Variants in DTD1 observed in about 807,000 individuals in gnomAD.
The protein encoded by DTD1 is D-tyrosyl-tRNA deacylase 1 homolog.
A neutral mutation model predicts 25.6 loss-of-function variants in DTD1; 13 were observed. The ratio of observed to expected loss-of-function variants is 0.51; its 90% CI spans 0.33 to 0.81. The LOEUF is 0.81. DTD1 is among the 30% of genes least tolerant of loss of function. The probability of loss-of-function intolerance (pLI) is 0.02; values close to 1 mark genes in which losing one functional copy is unlikely to be tolerated. For synonymous variants in DTD1, 110 were observed against 103.6 expected, an observed-to-expected ratio of 1.06 and a Z score of -0.37; for missense variants, 193 against 266.4, an observed-to-expected ratio of 0.72 and a Z score of 1.92.
At chr20:18,690,874 A>G (rs1392937270) in intron 4 of DTD1, among the ~76,000 whole-genome samples, 2 of 152,184 alleles carry the variant, frequency 1.3e-5, no homozygotes, top group East Asian at 3.9e-4. Context: ...TTCTGTTTTT[A>G]TGAAAAATGA....
At chr20:18,742,582 TCTCACCAA>T (rs2061282736) in intron 4 of DTD1, among the ~76,000 whole-genome samples, 1 of 152,140 alleles carries the variant, frequency 6.6e-6, no homozygotes, top group South Asian at 2.1e-4. Flanking sequence ...CTTATGAGAA[TCTCACCAA>T]TGTCTGATGC....
At chr20:18,711,363 G>A (rs2061157924) in intron 4 of DTD1, among the ~76,000 whole-genome samples, 1 of 152,144 alleles carries the variant, frequency 6.6e-6, no homozygotes, top group East Asian at 1.9e-4. Flanking sequence ...AAGTCCTCCA[G>A]CCTCTGCCTT....
intron 4 of DTD1, among the ~76,000 whole-genome samples, chr20:18,658,221 G>GTGTGTA (rs2060897692): frequency 6.6e-6 from 1 of 151,644 alleles, no homozygotes; most frequent in Non-Finnish European, 1.5e-5. Flanking sequence ...GTGTGTGTGT[G>GTGTGTA]TGTGTGTTTC....
At chr20:18,649,045 A>AC (rs1286729575) in intron 4 of DTD1, among the ~76,000 whole-genome samples, 1 of 149,844 alleles carries the variant, frequency 6.7e-6, no homozygotes, top group Admixed American at 6.6e-5. Context: ...ATGTGGAATG[A>AC]CCAGAATTAC....
intron 4 of DTD1, among the ~76,000 whole-genome samples, chr20:18,676,399 T>A (rs17809054): frequency 0.36 from 54,841 of 151,730 alleles, 10,239 homozygotes; most frequent in Non-Finnish European, 0.41. Flanking sequence ...CTTGTTTTTT[T>A]AAAAAAGTCA....
Position 18,718,192 on chromosome 20 carries a change from CT to C in DTD1, c.478-25905del, listed in dbSNP as rs528216203. ...AGCTTTGAAGGTTCCAGTAATATTA[CT>C]TTATTAAAGATATTTATTTTGGATA... On this transcript the variant is annotated intron_variant, in intron 4 of 5. Coordinates refer to ENST00000377452, the MANE Select transcript of DTD1 (RefSeq NM_080820.6). Among the ~76,000 whole-genome samples, 34 of 152,270 alleles carry C rather than the reference CT, an allele frequency of 2.2e-4. 2 individuals are homozygous for C. In the East Asian group the frequency reaches 6.5e-3, roughly 29 times the overall value.
chr20:18,659,693 A>G (rs1164217968), intron 4 of DTD1, among the ~76,000 whole-genome samples: 1 of 152,144 alleles, frequency 6.6e-6, no homozygotes, highest in Non-Finnish European at 1.5e-5. Context: ...CATAAGTGGG[A>G]GTTGAACAAT....
At chr20:18,762,362 C>T (rs559191748) in intron 5 of DTD1, among the ~76,000 whole-genome samples, 30 of 152,304 alleles carry the variant, frequency 2.0e-4, no homozygotes, top group South Asian at 8.3e-4. Flanking sequence ...TCATAGATCT[C>T]GGCAATACTA....
intron 4 of DTD1, among the ~76,000 whole-genome samples, chr20:18,651,918 C>T (rs1401617513): frequency 6.6e-6 from 1 of 152,286 alleles, no homozygotes; most frequent in Non-Finnish European, 1.5e-5. Context: ...AACCAGCCCA[C>T]TTATTTAAAG....
intron 4 of DTD1, among the ~76,000 whole-genome samples, chr20:18,660,514 G>T (rs912916197): frequency 6.6e-6 from 1 of 151,748 alleles, no homozygotes; most frequent in South Asian, 2.1e-4. Flanking sequence ...AGCCACCGTG[G>T]GTGGCCCAAA....
intron 4 of DTD1, among the ~76,000 whole-genome samples, chr20:18,645,851 G>A (rs150728241): frequency 9.8e-5 from 15 of 152,306 alleles, no homozygotes; most frequent in South Asian, 2.1e-4. Context: ...ATTTAAAGGC[G>A]CTAAAAATGA....
chr20:18,683,242 G>A (rs1780734708), intron 4 of DTD1, among the ~76,000 whole-genome samples: 1 of 152,160 alleles, frequency 6.6e-6, no homozygotes, highest in Admixed American at 6.5e-5. Context: ...GGTGAAAATA[G>A]ACTACCTGTT....
At chr20:18,612,235 C>T (rs1389406705) in intron 3 of DTD1, among the ~76,000 whole-genome samples, 5 of 151,614 alleles carry the variant, frequency 3.3e-5, no homozygotes, top group East Asian at 1.9e-4. Flanking sequence ...GGGGTTTCAC[C>T]GTTTTAGCCG....
intron 4 of DTD1, among the ~76,000 whole-genome samples, chr20:18,670,507 A>G: frequency 6.6e-6 from 1 of 152,228 alleles, no homozygotes; most frequent in East Asian, 1.9e-4. Flanking sequence ...TCAAGAGCTC[A>G]TCTCTTGTTC....
At chr20:18,613,093 A>G (rs1568645701) in intron 3 of DTD1, among the ~76,000 whole-genome samples, 1 of 152,204 alleles carries the variant, frequency 6.6e-6, no homozygotes, top group Non-Finnish European at 1.5e-5. Context: ...CCCTGAGGCC[A>G]GAGTGTCCTT....
intron 4 of DTD1, among the ~76,000 whole-genome samples, chr20:18,740,563 C>T (rs999629569): frequency 3.3e-5 from 5 of 151,964 alleles, no homozygotes; most frequent in African/African-American, 1.2e-4. Context: ...CTGCAGAACA[C>T]CAATTTCAAG....
Position 18,745,443 on chromosome 20 carries a change from A to G in DTD1, c.*19+1172A>G, listed in dbSNP as rs534276527. Among the ~76,000 whole-genome samples, 9 of 152,302 alleles carry G rather than the reference A, an allele frequency of 5.9e-5. No homozygotes were observed. The South Asian group carries it at 1.9e-3, about 32-fold the overall frequency. Reference sequence around the variant, plus strand: ...TGGGGAGGTCACAGGCTCAGGGAGAAGCATAGGAACAGTTATACTACAGCA... The same window carrying G: ...TGGGGAGGTCACAGGCTCAGGGAGAGGCATAGGAACAGTTATACTACAGCA... On this transcript the variant is annotated intron_variant, in intron 5 of 5. Coordinates refer to ENST00000377452, the MANE Select transcript of DTD1 (RefSeq NM_080820.6).
chr20:18,756,487 TG>T (rs1478208848), intron 5 of DTD1, among the ~76,000 whole-genome samples: 2 of 152,246 alleles, frequency 1.3e-5, no homozygotes, highest in African/African-American at 4.8e-5. Context: ...TTTCTACATA[TG>T]GCTAGCCAGT....
At chr20:18,739,085 T>C (rs2061267699) in intron 4 of DTD1, among the ~76,000 whole-genome samples, 1 of 152,062 alleles carries the variant, frequency 6.6e-6, no homozygotes, top group African/African-American at 2.4e-5. Context: ...CCTAAGGCCT[T>C]AGGTGGAGCT....
Sources: allele counts gnomAD v4.1 joint callset (sites outside exome capture counted in the v4.1 genomes callset), GRCh38; gene constraint gnomAD v4.1.1; transcripts MANE v1.5; gene names NCBI Gene and HGNC (gene_info 2026-07-23, HGNC 2026-07-21).